Variants in SNTG1 observed in about 807,000 individuals in gnomAD.
SNTG1 encodes gamma-1-syntrophin.
Under a neutral mutation model 74.7 loss-of-function variants are expected in SNTG1, and 39 were observed. The observed-to-expected ratio is 0.52, with a 90% CI of 0.40 to 0.68. The LOEUF is 0.68. Ranked by LOEUF, SNTG1 falls within the 30% of genes least tolerant of loss-of-function variation. The pLI, the probability that SNTG1 is intolerant of heterozygous loss-of-function variation, is 0.00. For missense variants in SNTG1, 685 were observed against 609.5 expected, an observed-to-expected ratio of 1.12 and a Z score of -1.30; for synonymous variants, 254 against 217.1, an observed-to-expected ratio of 1.17 and a Z score of -1.49.
intron 1 of SNTG1, among the ~76,000 whole-genome samples, chr8:50,154,577 C>T (rs527339577): frequency 7.0e-4 from 106 of 152,220 alleles, no homozygotes; most frequent in Middle Eastern, 3.4e-3. Flanking sequence ...TATATGTTAC[C>T]AGAAATAAGT....
intron 1 of SNTG1, among the ~76,000 whole-genome samples, chr8:49,998,313 A>G (rs1395640673): frequency 1.3e-5 from 2 of 152,146 alleles, no homozygotes; most frequent in Non-Finnish European, 2.9e-5. Context: ...TACTTACTAT[A>G]CATTGTTGTA....
At chr8:50,479,624 A>C (rs539083700) in intron 8 of SNTG1, among the ~76,000 whole-genome samples, 1 of 151,574 alleles carries the variant, frequency 6.6e-6, no homozygotes, top group Non-Finnish European at 1.5e-5. Context: ...CTTTATTCCA[A>C]CTCTGCCTGA....
At chr8:50,764,296 T>G (rs73575097) in intron 18 of SNTG1, among the ~76,000 whole-genome samples, 2,177 of 151,902 alleles carry the variant, frequency 0.014, 46 homozygotes, top group African/African-American at 0.049. Context: ...CTCTAAAGCT[T>G]CCTCACAGCA....
At chr8:50,033,433 T>A (rs1460188818) in intron 1 of SNTG1, among the ~76,000 whole-genome samples, 1 of 152,180 alleles carries the variant, frequency 6.6e-6, no homozygotes, top group East Asian at 1.9e-4. Flanking sequence ...CAATTTATTA[T>A]TCTTAATAAT....
At chr8:50,049,704 G>C (rs1009378060) in intron 1 of SNTG1, among the ~76,000 whole-genome samples, 1 of 151,886 alleles carries the variant, frequency 6.6e-6, no homozygotes, top group African/African-American at 2.4e-5. Context: ...ACTACATTCG[G>C]GGCCATAAAG....
intron 1 of SNTG1, among the ~76,000 whole-genome samples, chr8:50,143,207 T>C (rs1468566859): frequency 6.6e-6 from 1 of 152,210 alleles, no homozygotes; most frequent in Non-Finnish European, 1.5e-5. Context: ...GGAAATGTTC[T>C]AGTGGGACAT....
At chr8:50,367,028 T>A (rs993208779) in intron 2 of SNTG1, among the ~76,000 whole-genome samples, 161 of 151,428 alleles carry the variant, frequency 1.1e-3, no homozygotes, top group African/African-American at 3.5e-3. Context: ...TTGGTAAGAC[T>A]AACACCATCA....
chr8:50,463,759 T>C (rs564472530), intron 8 of SNTG1, among the ~76,000 whole-genome samples: 19 of 152,292 alleles, frequency 1.2e-4, no homozygotes, highest in Middle Eastern at 6.8e-3. Context: ...ACCAGCAGCA[T>C]TGGCCCCTAA....
chr8:50,488,451 C>G (rs576379267), intron 8 of SNTG1, among the ~76,000 whole-genome samples: 1 of 152,130 alleles, frequency 6.6e-6, no homozygotes, highest in East Asian at 1.9e-4. Context: ...ATCCCTTGGT[C>G]GGAAATCCTA....
At chr8:50,137,230 G>A (rs141988039) in intron 1 of SNTG1, among the ~76,000 whole-genome samples, 1 of 152,284 alleles carries the variant, frequency 6.6e-6, no homozygotes, top group African/African-American at 2.4e-5. Context: ...GAGCTAGAAG[G>A]CTCCTGAATT....
At chr8:50,248,099 T>C (rs939505840) in intron 2 of SNTG1, among the ~76,000 whole-genome samples, 1 of 152,172 alleles carries the variant, frequency 6.6e-6, no homozygotes, top group Non-Finnish European at 1.5e-5. Context: ...ATCTGTCATA[T>C]TGAATTAGGG....
chr8:50,663,504 G>A lies in SNTG1; in HGVS notation c.1038+4841G>A, dbSNP rs1275985824. 2.0e-5 allele frequency among the ~76,000 whole-genome samples: 3 copies of A among 152,028 alleles called. 1 individual carries two copies. The highest frequency in any genetic ancestry group is 1.3e-4 in the Admixed American group (2 of 15,260). On this transcript the variant is annotated intron_variant, in intron 15 of 18. Transcript: ENST00000642720. ...GAGGAGTCGGGCCTGAATAGATAGT[G>A]CCCTCACAGTAGCTACTCACCTGCA...
intron 18 of SNTG1, among the ~76,000 whole-genome samples, chr8:50,773,064 G>T (rs531395455): frequency 2.0e-5 from 3 of 152,208 alleles, no homozygotes; most frequent in African/African-American, 7.2e-5. Context: ...AAGTTACCCA[G>T]CCTCAGATAT....
intron 13 of SNTG1, among the ~76,000 whole-genome samples, chr8:50,630,565 A>C (rs1295236990): frequency 6.6e-6 from 1 of 152,224 alleles, no homozygotes; most frequent in African/African-American, 2.4e-5. Context: ...AGGTGTGAAT[A>C]GCACAGAATT....
At chr8:50,149,226 T>G (rs1306325550) in intron 1 of SNTG1, among the ~76,000 whole-genome samples, 2 of 152,228 alleles carry the variant, frequency 1.3e-5, no homozygotes, top group Non-Finnish European at 2.9e-5. Flanking sequence ...TCACCCACTT[T>G]TTGATGGGGT....
At chr8:50,778,728 T>G (rs374501010) in intron 18 of SNTG1, among the ~76,000 whole-genome samples, 1 of 148,952 alleles carries the variant, frequency 6.7e-6, no homozygotes, top group Non-Finnish European at 1.5e-5. Context: ...TTTGTCAATT[T>G]TGGCTTTTGT....
intron 1 of SNTG1, among the ~76,000 whole-genome samples, chr8:50,121,764 G>A (rs1000946337): frequency 5.6e-5 from 8 of 141,910 alleles, no homozygotes; most frequent in Non-Finnish European, 9.4e-5. Context: ...GGGAGGCTAA[G>A]GTTGGAGGAT....
intron 1 of SNTG1, among the ~76,000 whole-genome samples, chr8:50,074,041 A>G (rs559164064): frequency 2.0e-5 from 3 of 151,680 alleles, no homozygotes; most frequent in Admixed American, 6.6e-5. Context: ...GCCCCTAACA[A>G]TAGAGTCAGT....
chr8:50,325,108 A>G (rs1027602355), intron 2 of SNTG1, among the ~76,000 whole-genome samples: 1 of 150,392 alleles, frequency 6.6e-6, no homozygotes, highest in African/African-American at 2.4e-5. Context: ...ATATATATGT[A>G]TATCTTGATT....
Sources: gnomAD v4.1 joint callset for allele counts (sites outside exome capture counted in the v4.1 genomes callset) on GRCh38, gnomAD v4.1.1 for gene constraint, MANE v1.5 for transcripts, NCBI Gene and HGNC (gene_info 2026-07-23, HGNC 2026-07-21) for gene names.